L2HGDH: variants seen among roughly 807,000 people sequenced by gnomAD.
The protein encoded by L2HGDH is L-2-hydroxyglutarate dehydrogenase, mitochondrial.
A neutral mutation model predicts 51.5 loss-of-function variants in L2HGDH; 34 were observed. That is an observed-to-expected ratio of 0.66 (90% confidence interval 0.50 to 0.88). The LOEUF (loss-of-function observed/expected upper bound fraction) is 0.88, where lower values mean the gene tolerates loss of function less well. L2HGDH is among the 40% of genes least tolerant of loss of function. The pLI, the probability that L2HGDH is intolerant of heterozygous loss-of-function variation, is 0.00. For missense variants in L2HGDH, 558 were observed against 571.9 expected (o/e 0.98, Z 0.25); for synonymous variants, 198 against 197.9 (o/e 1.00, Z -0.01).
Position 50,242,560 on chromosome 14 carries a change from T to C in L2HGDH, c.*4498A>G, listed in dbSNP as rs1887848388. 1.0e-6 allele frequency: 1 copy of C among 985,080 alleles called. No individual in the cohort carries two copies. The highest frequency in any genetic ancestry group is 1.2e-6 in the Non-Finnish European group (1 of 829,602). The allele number at this position is 985,080 out of a possible 1,614,324, so 61.0% of individuals were successfully genotyped here. A position where few individuals can be genotyped will look rare whatever the true frequency, so the allele number is the denominator to read the frequency against. ...TTTGAGGCCAGAAAAGTAGAGTTGG[T>C]TGGTATCAACACTGTTCTTCCCTTC... On this transcript the variant is annotated 3_prime_UTR_variant, in exon 10 of 10. Transcript: ENST00000267436.
In L2HGDH at chr14:50,246,397, T is replaced by C. The variant is rs967995655; in HGVS notation, c.*661A>G. On this transcript the variant is annotated 3_prime_UTR_variant, in exon 10 of 10. Transcript: ENST00000267436. ...CATGCCCAGCTAATTTTTGTATTTT[T>C]TGTAGAGATGGGGTTTCATTCACTA... 6.6e-6 allele frequency: 1 copy of C among 151,782 alleles called. No individual in the cohort carries two copies. The highest frequency in any genetic ancestry group is 1.5e-5 in the Non-Finnish European group (1 of 68,034). The allele number at this position is 151,782 out of a possible 1,614,324, so 9.4% of individuals were successfully genotyped here.
At chr14:50,287,538 G>C (rs1890625668) in intron 4 of L2HGDH, among the ~76,000 whole-genome samples, 1 of 151,106 alleles carries the variant, frequency 6.6e-6, no homozygotes, top group African/African-American at 2.4e-5. Context: ...AAAATTAAAA[G>C]GTTTTAAAAA....
chr14:50,303,459 TA>T (rs113584778), intron 1 of L2HGDH, among the ~76,000 whole-genome samples: 33 of 143,318 alleles, frequency 2.3e-4, no homozygotes, highest in East Asian at 4.1e-4. Context: ...TCACATGTAT[TA>T]AAAAAAAAAA....
At chr14:50,311,954 A>G in intron 1 of L2HGDH, 57 bp downstream of exon 1, 1 of 1,536,558 alleles carries the variant, frequency 6.5e-7, no homozygotes. Context: ...GTCCACCACC[A>G]GGTGCCTCCG....
intron 1 of L2HGDH, among the ~76,000 whole-genome samples, chr14:50,310,936 CTTTTTTTTT>C (rs34399906): frequency 1.6e-4 from 13 of 82,240 alleles, no homozygotes; most frequent in South Asian, 1.5e-3. Flanking sequence ...CTTTTCTTTT[CTTTTTTTTT>C]TTTTTTTTTT....
At chr14:50,263,196 A>C (rs1031744954) in intron 9 of L2HGDH, among the ~76,000 whole-genome samples, 1 of 152,260 alleles carries the variant, frequency 6.6e-6, no homozygotes, top group Non-Finnish European at 1.5e-5. Flanking sequence ...TATCAATAGC[A>C]GTAATAGAAA....
chr14:50,309,786 G>A (rs1427788578), intron 1 of L2HGDH, among the ~76,000 whole-genome samples: 3 of 151,140 alleles, frequency 2.0e-5, no homozygotes, highest in Admixed American at 2.0e-4. Context: ...GGGCTCAAGC[G>A]ATCCTCCTGC....
intron 9 of L2HGDH, among the ~76,000 whole-genome samples, chr14:50,250,834 C>T (rs1347648338): frequency 6.6e-6 from 1 of 152,234 alleles, no homozygotes; most frequent in African/African-American, 2.4e-5. Context: ...CTACAAAAGA[C>T]ACAATGTTAT....
chr14:50,261,298 T>G (rs145490413), intron 9 of L2HGDH, among the ~76,000 whole-genome samples: 15 of 152,348 alleles, frequency 9.8e-5, no homozygotes, highest in African/African-American at 3.6e-4. Flanking sequence ...AGTTATCACT[T>G]GCTATGAAAA....
intron 4 of L2HGDH, among the ~76,000 whole-genome samples, chr14:50,290,614 A>G (rs1414883567): frequency 2.0e-5 from 3 of 152,166 alleles, no homozygotes; most frequent in African/African-American, 7.2e-5. Flanking sequence ...TACATAACTG[A>G]ATATTTGCGG....
rs191077197 is a variant in L2HGDH, at chr14:50,280,751, C to T, written c.704-2197G>A. On this transcript the variant is annotated intron_variant, in intron 5 of 9. Coordinates refer to ENST00000267436, the MANE Select transcript of L2HGDH (RefSeq NM_024884.3). ...CTGGTCTTGAACTCCTGAGCTCAAG[C>T]GCTCCACCCACCTTGGCCTCCCAAA... Among the ~76,000 whole-genome samples the T allele has an allele frequency of 2.0e-3, 281 of 137,426 alleles. 1 individual carries two copies. The highest frequency in any genetic ancestry group is 6.9e-3 in the African/African-American group (253 of 36,612). 90.2% of individuals were successfully genotyped at this position (137,426 alleles called of 152,430 possible). A position where few individuals can be genotyped will look rare whatever the true frequency, so the allele number is the denominator to read the frequency against.
intron 1 of L2HGDH, among the ~76,000 whole-genome samples, chr14:50,309,961 C>CT (rs762182428): frequency 6.6e-6 from 1 of 151,954 alleles, no homozygotes; most frequent in Non-Finnish European, 1.5e-5. Flanking sequence ...TCCCAAAGTG[C>CT]TGAGATTATA....
At chr14:50,309,534 C>T (rs1226449404) in intron 1 of L2HGDH, among the ~76,000 whole-genome samples, 3 of 150,790 alleles carry the variant, frequency 2.0e-5, no homozygotes, top group African/African-American at 7.3e-5. Flanking sequence ...TGTACTCCAG[C>T]CTGGGTGACA....
chr14:50,265,514 T>C, intron 8 of L2HGDH, 25 bp from the exon 9 acceptor site: 2 of 1,600,166 alleles, frequency 1.2e-6, no homozygotes, highest in Non-Finnish European at 8.5e-7. Flanking sequence ...AAAAAATCTT[T>C]ATGAGAGAAA....
chr14:50,259,401 C>G (rs1325064611), intron 9 of L2HGDH, among the ~76,000 whole-genome samples: 1 of 132,256 alleles, frequency 7.6e-6, no homozygotes, highest in Non-Finnish European at 1.6e-5. Context: ...TGGGGTCTCA[C>G]TATGTCACCT....
At chr14:50,303,677 T>G (rs1260350510) in intron 1 of L2HGDH, among the ~76,000 whole-genome samples, 2 of 150,460 alleles carry the variant, frequency 1.3e-5, no homozygotes, top group African/African-American at 4.9e-5. Flanking sequence ...CTCGGGAGGC[T>G]AAGGCTGGAG....
chr14:50,251,095 G>C (rs1888320968), intron 9 of L2HGDH, among the ~76,000 whole-genome samples: 1 of 152,136 alleles, frequency 6.6e-6, no homozygotes, highest in Non-Finnish European at 1.5e-5. Flanking sequence ...CAAAATAGCT[G>C]TTTTGAAGAA....
intron 4 of L2HGDH, among the ~76,000 whole-genome samples, chr14:50,290,855 C>CA (rs1890836350): frequency 6.6e-6 from 1 of 151,884 alleles, no homozygotes; most frequent in Non-Finnish European, 1.5e-5. Flanking sequence ...TAATTCATCA[C>CA]AAAATAATGT....
chr14:50,293,533 AC>A (rs1364857312), intron 4 of L2HGDH, among the ~76,000 whole-genome samples: 6 of 152,088 alleles, frequency 3.9e-5, no homozygotes, highest in Admixed American at 1.3e-4. Context: ...CCATAAAAAA[AC>A]AAACATATGC....
Sources: allele counts gnomAD v4.1 joint callset (sites outside exome capture counted in the v4.1 genomes callset), GRCh38; gene constraint gnomAD v4.1.1; transcripts MANE v1.5; gene names NCBI Gene and HGNC (gene_info 2026-07-23, HGNC 2026-07-21).